Variants in CTNND2 observed in about 807,000 individuals in gnomAD.
CTNND2 encodes catenin delta-2.
In CTNND2, 22 loss-of-function variants were observed where a neutral mutation model predicts 144.4. That is an observed-to-expected ratio of 0.15 (90% confidence interval 0.11 to 0.22). The LOEUF is 0.22. CTNND2 is among the 10% of genes least tolerant of loss of function. The pLI is 1.00. For synonymous variants in CTNND2, 751 were observed against 695.6 expected, an observed-to-expected ratio of 1.08 and a Z score of -1.25; for missense variants, 1,353 against 1,618.8, an observed-to-expected ratio of 0.84 and a Z score of 2.82.
chr5:11,829,063 CAGAA>C (rs937725431), intron 1 of CTNND2, among the ~76,000 whole-genome samples: 2 of 152,078 alleles, frequency 1.3e-5, no homozygotes, highest in Non-Finnish European at 2.9e-5. Context: ...CTTCGAACTT[CAGAA>C]AGATGATTTA....
chr5:11,206,007 T>C (rs1443303714), intron 10 of CTNND2, among the ~76,000 whole-genome samples: 2 of 152,216 alleles, frequency 1.3e-5, no homozygotes, highest in Non-Finnish European at 2.9e-5. Flanking sequence ...GAATGAGATT[T>C]CAAAAGTGAA....
chr5:11,519,455 C>T lies in CTNND2; in HGVS notation c.287+45489G>A, dbSNP rs16901715. The stretch of plus-strand genomic sequence containing the variant: ...CCTTATCTTTGAAGTTCTCTATTCC[C>T]AGCCACTGTGACTTAAAGGCTCTAT... On this transcript the variant is annotated intron_variant, in intron 3 of 21. Transcript: ENST00000304623. Among the ~76,000 whole-genome samples, 941 of 151,984 alleles carry T rather than the reference C, an allele frequency of 6.2e-3. 8 individuals are homozygous for T. Among genetic ancestry groups the T allele is most frequent in the African/African-American group, 0.021 (883 of 41,468 alleles).
At chr5:11,518,275 TAAATA>T (rs1390666444) in intron 3 of CTNND2, among the ~76,000 whole-genome samples, 2 of 137,414 alleles carry the variant, frequency 1.5e-5, no homozygotes, top group Admixed American at 7.5e-5. Context: ...AAAAAATAAA[TAAATA>T]AAAGTAAAAA....
At chr5:11,019,193 A>G (rs1438247978) in intron 17 of CTNND2, among the ~76,000 whole-genome samples, 1 of 152,124 alleles carries the variant, frequency 6.6e-6, no homozygotes, top group Non-Finnish European at 1.5e-5. Context: ...CAAAACTACA[A>G]TATCTCTAAG....
rs1203480780 is a variant in CTNND2, at chr5:11,159,698, TAGGG to T, written c.2033_2036del (p.Ala678GlufsTer4). 1 of 1,612,206 alleles carries T rather than the reference TAGGG, an allele frequency of 6.2e-7. No homozygotes were observed. The stretch of plus-strand genomic sequence containing the variant: ...TAATCACCGCGTTGGTCAGTACTGC[TAGGG>T]CATCCTGGATGATTGGCATTTTGAG... On this transcript the variant is annotated frameshift_variant, in exon 12 of 22. Coordinates refer to ENST00000304623, the MANE Select transcript of CTNND2 (RefSeq NM_001332.4). LOFTEE classifies it high-confidence loss of function.
chr5:11,150,288 G>A (rs1013929595), intron 12 of CTNND2, among the ~76,000 whole-genome samples: 4 of 152,120 alleles, frequency 2.6e-5, no homozygotes, highest in African/African-American at 9.7e-5. Flanking sequence ...TGCAGTGATT[G>A]TCAAACATCC....
At chr5:11,573,081 A>G (rs1341467632) in intron 2 of CTNND2, among the ~76,000 whole-genome samples, 4 of 152,108 alleles carry the variant, frequency 2.6e-5, no homozygotes, top group South Asian at 2.1e-4. Context: ...GTTCCAGCTA[A>G]TCTTTGGGAA....
At chr5:11,685,704 T>G (rs1350773936) in intron 2 of CTNND2, among the ~76,000 whole-genome samples, 1 of 152,220 alleles carries the variant, frequency 6.6e-6, no homozygotes, top group Admixed American at 6.5e-5. Flanking sequence ...ATCCTACTAC[T>G]ACGAATTGCA....
chr5:11,361,649 T>C (rs1022055569), intron 8 of CTNND2, among the ~76,000 whole-genome samples: 3 of 152,242 alleles, frequency 2.0e-5, no homozygotes, highest in African/African-American at 4.8e-5. Flanking sequence ...AGTTACAAGC[T>C]AGATGCTTCC....
At chr5:11,399,230 C>G (rs1309095128) in intron 5 of CTNND2, among the ~76,000 whole-genome samples, 2 of 152,104 alleles carry the variant, frequency 1.3e-5, no homozygotes, top group African/African-American at 2.4e-5. Context: ...TACTGGCCAG[C>G]CTCTCCTCCC....
chr5:11,154,709 T>G (rs9968722), intron 12 of CTNND2, among the ~76,000 whole-genome samples: 1 of 152,260 alleles, frequency 6.6e-6, no homozygotes, highest in African/African-American at 2.4e-5. Context: ...CAACCGAAAC[T>G]TATTATCTCA....
intron 1 of CTNND2, among the ~76,000 whole-genome samples, chr5:11,843,880 G>T (rs1287821021): frequency 6.6e-6 from 1 of 152,114 alleles, no homozygotes; most frequent in Non-Finnish European, 1.5e-5. Context: ...AAAAATAAAA[G>T]ATTATATTGT....
intron 9 of CTNND2, among the ~76,000 whole-genome samples, chr5:11,237,664 C>T (rs1741795141): frequency 6.6e-6 from 1 of 152,076 alleles, no homozygotes; most frequent in Non-Finnish European, 1.5e-5. Context: ...CCACGTCCGT[C>T]TTAAATGGAT....
intron 11 of CTNND2, among the ~76,000 whole-genome samples, chr5:11,166,329 A>G (rs1427501959): frequency 6.8e-6 from 1 of 148,142 alleles, no homozygotes; most frequent in Non-Finnish European, 1.5e-5. Flanking sequence ...GCTCACTGCA[A>G]GCTCTGCCTC....
At chr5:11,095,878 C>A (rs1751290544) in intron 15 of CTNND2, among the ~76,000 whole-genome samples, 1 of 151,970 alleles carries the variant, frequency 6.6e-6, no homozygotes, top group Admixed American at 6.6e-5. Flanking sequence ...GCTCCTTGAG[C>A]TGCTTAGATC....
At chr5:11,745,688 C>G (rs1343050046) in intron 1 of CTNND2, among the ~76,000 whole-genome samples, 1 of 152,190 alleles carries the variant, frequency 6.6e-6, no homozygotes, top group African/African-American at 2.4e-5. Flanking sequence ...CCCTCCTAAC[C>G]TGCCTCTCAT....
intron 8 of CTNND2, among the ~76,000 whole-genome samples, chr5:11,348,437 C>CAAAA (rs3034056): frequency 1.7e-4 from 19 of 114,702 alleles, no homozygotes; most frequent in East Asian, 5.0e-4. Context: ...AAATCAAGGG[C>CAAAA]AAAAAAAAAA....
intron 21 of CTNND2, among the ~76,000 whole-genome samples, chr5:10,979,188 A>G (rs1736904162): frequency 6.6e-6 from 1 of 152,254 alleles, no homozygotes; most frequent in Admixed American, 6.5e-5. Flanking sequence ...TGCTTACTGT[A>G]CATCCAGAAT....
rs535734931 is a variant in CTNND2, at chr5:11,020,096, T to C, written c.3000-2038A>G. ...AGTTCATTGTGGCTGTCAACACAGC[T>C]GTGCCAGCGGTGGGATCACAGAACA... is the stretch of plus-strand genomic sequence containing the variant. On this transcript the variant is annotated intron_variant, in intron 17 of 21. Transcript: ENST00000304623. Among the ~76,000 whole-genome samples the C allele has an allele frequency of 2.0e-5, 3 of 152,328 alleles. No individual in the cohort carries two copies. In the South Asian group the frequency reaches 6.2e-4, roughly 32 times the overall value.
Sources: gnomAD v4.1 joint callset for allele counts (sites outside exome capture counted in the v4.1 genomes callset) on GRCh38, gnomAD v4.1.1 for gene constraint, MANE v1.5 for transcripts, NCBI Gene and HGNC (gene_info 2026-07-23, HGNC 2026-07-21) for gene names.